The following CASP9 variants were observed in gnomAD, a reference collection of about 807,000 sequenced individuals.
CASP9 encodes the protein caspase-9.
CASP9 carries 29 observed loss-of-function variants against 43.5 expected under a neutral mutation model. That is an observed-to-expected ratio of 0.67 (90% CI 0.50 to 0.91). The LOEUF (loss-of-function observed/expected upper bound fraction) is 0.91. Ranked by LOEUF, CASP9 falls within the 40% of genes least tolerant of loss-of-function variation. CASP9 has a pLI of 0.00. For synonymous variants in CASP9, 206 were observed against 211.9 expected, an observed-to-expected ratio of 0.97 and a Z score of 0.24; for missense variants, 575 against 537.4, an observed-to-expected ratio of 1.07 and a Z score of -0.69.
intron 6 of CASP9, among the ~76,000 whole-genome samples, chr1:15,500,049 C>T (rs1709262232): frequency 6.6e-6 from 1 of 151,914 alleles, no homozygotes; most frequent in African/African-American, 2.4e-5. Flanking sequence ...TGCAGTAGGG[C>T]TCATGGTGGG....
intron 1 of CASP9, 85 bp downstream of exon 1, chr1:15,523,984 G>A (rs910201859): frequency 3.2e-5 from 34 of 1,048,470 alleles, no homozygotes; most frequent in Non-Finnish European, 4.4e-5. Flanking sequence ...GAAGCCACAG[G>A]GAAGGCTAGG....
chr1:15,493,501 T>G, intron 8 of CASP9: 1 of 1,326,242 alleles, frequency 7.5e-7, no homozygotes, highest in Non-Finnish European at 9.6e-7. Context: ...CAAGGAGGGG[T>G]TCACAATTCT....
At chr1:15,500,842 G>T (rs905024085) in intron 6 of CASP9, among the ~76,000 whole-genome samples, 3 of 150,796 alleles carry the variant, frequency 2.0e-5, no homozygotes, top group African/African-American at 7.4e-5. Flanking sequence ...AAGAGACAGG[G>T]TGAGCAGAGA....
At chr1:15,505,802 A>T (rs1304735470) in intron 5 of CASP9, among the ~76,000 whole-genome samples, 188 bp downstream of exon 5, 2 of 152,172 alleles carry the variant, frequency 1.3e-5, no homozygotes, top group Non-Finnish European at 2.9e-5. Flanking sequence ...CCTGCCCAGG[A>T]CGGTGCAGCC....
chr1:15,518,531 G>T, intron 1 of CASP9, 136 bp from the exon 2 acceptor site: 1 of 862,114 alleles, frequency 1.2e-6, no homozygotes, highest in Non-Finnish European at 1.8e-6. Context: ...GGTGCACTGT[G>T]TGCCATTTAC....
rs780997851 is a variant in CASP9, at chr1:15,504,767, C to A, written c.721-9G>T. 1 of 1,605,454 alleles carries A rather than the reference C, an allele frequency of 6.2e-7. No homozygotes were observed. Among genetic ancestry groups the A allele is most frequent in the South Asian group, 1.1e-5 (1 of 89,838 alleles). On this transcript the variant is annotated splice_polypyrimidine_tract_variant and intron_variant, in intron 5 of 8. Transcript: ENST00000333868. The stretch of plus-strand genomic sequence containing the variant: ...AACTGCAGGTGGCTGGCCTAGAAGA[C>A]CAAGAACCCTGGTTACAAAACCAAG...
rs1230638982 is a variant in CASP9, at chr1:15,491,409, AG to A, written c.*1533del. On this transcript the variant is annotated 3_prime_UTR_variant, in exon 9 of 9. Transcript: ENST00000333868. ...CAACTATGCAAATCACATCTTGATG[AG>A]GGTTTTATTATTATTATTAATTCAG... 8.1e-6 allele frequency: 12 copies of A among 1,472,880 alleles called. No homozygotes were observed. The highest frequency in any genetic ancestry group is 3.4e-5 in the Admixed American group (2 of 58,768). The allele number at this position is 1,472,880 out of a possible 1,614,324, so 91.2% of individuals were successfully genotyped here. A position where few individuals can be genotyped will look rare whatever the true frequency, so the allele number is the denominator to read the frequency against.
chr1:15,495,893 T>C (rs191337221), intron 6 of CASP9, among the ~76,000 whole-genome samples: 322 of 152,364 alleles, frequency 2.1e-3, no homozygotes, highest in African/African-American at 7.3e-3. Context: ...CATTTTCCCC[T>C]GCCCTATGTT....
chr1:15,522,201 C>T (rs933704), intron 1 of CASP9, among the ~76,000 whole-genome samples: 90,857 of 152,068 alleles, frequency 0.6, 28,018 homozygotes, highest in African/African-American at 0.74. Context: ...GTTTGTTTGG[C>T]TCATTGGTTG....
At chr1:15,505,301 C>T (rs959939033) in intron 5 of CASP9, among the ~76,000 whole-genome samples, 3 of 152,130 alleles carry the variant, frequency 2.0e-5, no homozygotes, top group African/African-American at 7.2e-5. Context: ...GCTCTAGGGA[C>T]CATATTATGA....
chr1:15,493,332 T>G (rs4646103), intron 8 of CASP9: 21 of 1,285,496 alleles, frequency 1.6e-5, no homozygotes, highest in Non-Finnish European at 2.1e-5. Flanking sequence ...GCAGAGCAGC[T>G]GGGGCCCATA....
Position 15,506,892 on chromosome 1 carries a change from A to T in CASP9, c.630+7T>A. On this transcript the variant is annotated splice_region_variant and intron_variant, in intron 4 of 8. Coordinates refer to ENST00000333868, the MANE Select transcript of CASP9 (RefSeq NM_001229.5). ...ACCCTGTCTCCCTCCACAGATAGTG[A>T]GTGTACCTTGGCAGTCAGGTCGCCC... 1 of 1,557,980 alleles carries T rather than the reference A, an allele frequency of 6.4e-7. No individual in the cohort carries two copies. Among genetic ancestry groups the T allele is most frequent in the Non-Finnish European group, 8.9e-7 (1 of 1,129,406 alleles).
At position 15,504,591 on chromosome 1, in the gene CASP9, G is replaced by A. The variant is rs1410776448; in HGVS notation, c.868+20C>T. 6.2e-7 allele frequency: 1 copy of A among 1,603,112 alleles called. No individual in the cohort carries two copies. The highest frequency in any genetic ancestry group is 1.7e-5 in the Admixed American group (1 of 58,762). Reference sequence around the variant, plus strand: ...CCTCCCCACCAGACCCACCCAGAGGGAGGCTGAGGAGCTGCTTACCCCCAC... The same window carrying A: ...CCTCCCCACCAGACCCACCCAGAGGAAGGCTGAGGAGCTGCTTACCCCCAC... On this transcript the variant is annotated intron_variant, in intron 6 of 8. Transcript: ENST00000333868.
chr1:15,494,850 G>C (rs1347413240), intron 7 of CASP9, among the ~76,000 whole-genome samples: 1 of 115,202 alleles, frequency 8.7e-6, no homozygotes, highest in Non-Finnish European at 1.6e-5. Context: ...GCAACAGAGC[G>C]AGATTCCATC....
intron 2 of CASP9, among the ~76,000 whole-genome samples, chr1:15,510,650 AGAGG>A (rs1709719398): frequency 6.6e-6 from 1 of 152,100 alleles, no homozygotes; most frequent in Non-Finnish European, 1.5e-5. Context: ...GCCCAAAGAA[AGAGG>A]GAGAGGAGAC....
Position 15,493,922 on chromosome 1 carries a change from G to A in CASP9, c.1128C>T (p.His376=), listed in dbSNP as rs200791630. ...GCAGGAGGGACTGCAGGTCTTCAGAGTGAGCCCACTGCTCAAAGATGTCGT... is the reference window on the plus strand; with the variant it reads ...GCAGGAGGGACTGCAGGTCTTCAGAATGAGCCCACTGCTCAAAGATGTCGT... ...TLDDIFEQWA[H]SEDLQSLLLR... Residue 376 remains histidine (H), a synonymous_variant, in exon 8 of 9, where the codon CAC becomes CAT. Coordinates refer to ENST00000333868, the MANE Select transcript of CASP9 (RefSeq NM_001229.5). The A allele has an allele frequency of 7.5e-6, 12 of 1,602,440 alleles. 1 individual carries two copies. The East Asian group carries it at 1.1e-4, about 15-fold the overall frequency.
At position 15,495,303 on chromosome 1, in the gene CASP9, C is replaced by T; in HGVS notation, c.1018G>A (p.Asp340Asn). ...DAISSLPTPSDIFVSYSTFPG... is the reference protein window; with the variant it reads ...DAISSLPTPSNIFVSYSTFPG... ...AAAGTAGAGTAGGACACAAAGATGT[C>T]ACTGGGTGTGGGCAAACTAGATATG... The change falls in exon 7 of 9, where the codon GAC (aspartate) becomes AAC (asparagine). Residue 340 changes from aspartate (D) to asparagine (N), a missense_variant. Asp to Asn is a conservative substitution (Grantham distance 23, BLOSUM62 1). Transcript: ENST00000333868. The T allele has an allele frequency of 1.9e-6, 3 of 1,611,322 alleles. No individual in the cohort carries two copies. The highest frequency in any genetic ancestry group is 2.5e-6 in the Non-Finnish European group (3 of 1,179,264).
chr1:15,516,537 C>T (rs549788241), intron 2 of CASP9, among the ~76,000 whole-genome samples: 19 of 152,068 alleles, frequency 1.2e-4, no homozygotes, highest in African/African-American at 4.6e-4. Flanking sequence ...GATAGGATCT[C>T]ACTAAGTTAC....
At chr1:15,495,218 AGGGCAGACG>A (rs1446660733) in intron 7 of CASP9, 46 bp downstream of exon 7, 10 of 1,516,972 alleles carry the variant, frequency 6.6e-6, no homozygotes, top group African/African-American at 1.4e-5. Flanking sequence ...AGCTGCCTCT[AGGGCAGACG>A]GGAAGACCCA....
Sources: gnomAD v4.1 joint callset for allele counts (sites outside exome capture counted in the v4.1 genomes callset) on GRCh38, gnomAD v4.1.1 for gene constraint, MANE v1.5 for transcripts, NCBI Gene and HGNC (gene_info 2026-07-23, HGNC 2026-07-21) for gene names.